The following CDH18 variants were observed in gnomAD, a reference collection of about 807,000 sequenced individuals.
The protein encoded by CDH18 is cadherin-18.
In CDH18, 31 loss-of-function variants were observed where a neutral mutation model predicts 67.9. The observed-to-expected ratio is 0.46, with a 90% CI of 0.34 to 0.62. The LOEUF (loss-of-function observed/expected upper bound fraction) is 0.62. Among genes scored for constraint, CDH18 ranks in the 20% least tolerant of loss-of-function variants. CDH18 has a pLI of 0.01. For synonymous variants in CDH18, 362 were observed against 347.2 expected (o/e 1.04, Z -0.48); for missense variants, 890 against 975.5 (o/e 0.91, Z 1.17).
intron 3 of CDH18, among the ~76,000 whole-genome samples, chr5:19,784,486 A>T (rs565414259): frequency 6.6e-5 from 10 of 152,302 alleles, no homozygotes; most frequent in African/African-American, 1.9e-4. Context: ...CAGGCATGCC[A>T]CTTTTTTAAA....
intron 1 of CDH18, among the ~76,000 whole-genome samples, chr5:20,547,716 G>A (rs1757419040): frequency 6.6e-6 from 1 of 152,076 alleles, no homozygotes; most frequent in African/African-American, 2.4e-5. Context: ...AACTTTCCAG[G>A]TAAAATATGA....
intron 6 of CDH18, among the ~76,000 whole-genome samples, chr5:19,606,400 T>TTTGA (rs1561454471): frequency 1.3e-5 from 2 of 152,036 alleles, no homozygotes; most frequent in African/African-American, 4.8e-5. Context: ...TTGAAATAAG[T>TTTGA]ATGGTTAATA....
intron 2 of CDH18, among the ~76,000 whole-genome samples, chr5:20,086,501 T>C (rs1744962102): frequency 6.6e-6 from 1 of 152,144 alleles, no homozygotes; most frequent in Non-Finnish European, 1.5e-5. Context: ...GTTTCATAGC[T>C]AGAGAAAAGT....
At chr5:20,181,064 C>T (rs991100224) in intron 2 of CDH18, among the ~76,000 whole-genome samples, 1 of 152,100 alleles carries the variant, frequency 6.6e-6, no homozygotes, top group Non-Finnish European at 1.5e-5. Flanking sequence ...TCTCCTGGTA[C>T]ATCTTAAATT....
At chr5:19,684,371 T>A (rs1760770415) in intron 5 of CDH18, among the ~76,000 whole-genome samples, 1 of 151,438 alleles carries the variant, frequency 6.6e-6, no homozygotes. Flanking sequence ...TATTAGGAAT[T>A]AACATACACA....
intron 2 of CDH18, among the ~76,000 whole-genome samples, chr5:20,118,841 G>C (rs1748126321): frequency 6.6e-6 from 1 of 152,092 alleles, no homozygotes; most frequent in South Asian, 2.1e-4. Flanking sequence ...GTTCCTTGAA[G>C]AGAATACACA....
chr5:19,978,853 C>T (rs1468275358), intron 2 of CDH18, among the ~76,000 whole-genome samples: 1 of 152,150 alleles, frequency 6.6e-6, no homozygotes, highest in Non-Finnish European at 1.5e-5. Flanking sequence ...CATTTCCCTA[C>T]TTTAGGCTCT....
chr5:20,027,193 T>C (rs1738988027), intron 2 of CDH18, among the ~76,000 whole-genome samples: 1 of 152,128 alleles, frequency 6.6e-6, no homozygotes, highest in Non-Finnish European at 1.5e-5. Context: ...TTAAACTTTT[T>C]ACATATGATT....
chr5:20,168,693 T>C (rs917029632), intron 2 of CDH18, among the ~76,000 whole-genome samples: 7 of 152,150 alleles, frequency 4.6e-5, no homozygotes, highest in Non-Finnish European at 2.9e-5. Context: ...AGTATTCCAG[T>C]ATATTTTTTA....
At chr5:20,471,619 G>A (rs1581063089) in intron 1 of CDH18, among the ~76,000 whole-genome samples, 1 of 151,842 alleles carries the variant, frequency 6.6e-6, no homozygotes, top group East Asian at 2.0e-4. Flanking sequence ...GGCCAATATG[G>A]TGAAACGCAG....
chr5:20,512,116 G>A lies in CDH18; in HGVS notation c.-580+63346C>T, dbSNP rs142879098. On this transcript the variant is annotated intron_variant, in intron 1 of 14. Transcript: ENST00000507958. ...CAGGCGCATGTAATCCCAGCTACTC[G>A]GGAGGCTGAGGCAGGAGAATCGCTT... 4.0e-3 allele frequency among the ~76,000 whole-genome samples: 601 copies of A among 152,060 alleles called. 4 individuals carry two copies. The highest frequency in any genetic ancestry group is 0.014 in the African/African-American group (582 of 41,464).
chr5:20,373,416 G>A (rs767465793), intron 1 of CDH18, among the ~76,000 whole-genome samples: 2 of 151,902 alleles, frequency 1.3e-5, no homozygotes, highest in Admixed American at 6.6e-5. Context: ...ACCCATCACT[G>A]TACCAAGATT....
At position 20,400,878 on chromosome 5, in the gene CDH18, C is replaced by T. The variant is rs76744360; in HGVS notation, c.-579-145373G>A. On this transcript the variant is annotated intron_variant, in intron 1 of 14. Coordinates refer to the CDH18 transcript ENST00000507958. ...ACCAACCAAATCCCTTATACTGAAA[C>T]TTATAATTTTATCCCTTGCACTGAA... Among the ~76,000 whole-genome samples the T allele has an allele frequency of 5.9e-5, 9 of 152,292 alleles. No homozygotes were observed. The East Asian group carries it at 1.4e-3, about 23-fold the overall frequency.
At chr5:20,067,053 C>T (rs1743039871) in intron 2 of CDH18, among the ~76,000 whole-genome samples, 1 of 151,658 alleles carries the variant, frequency 6.6e-6, no homozygotes, top group Non-Finnish European at 1.5e-5. Flanking sequence ...AAAAAAATCA[C>T]TATAATAAAT....
intron 1 of CDH18, among the ~76,000 whole-genome samples, chr5:20,556,125 T>A (rs1226553162): frequency 2.0e-5 from 3 of 152,220 alleles, no homozygotes; most frequent in Admixed American, 1.3e-4. Context: ...TACATATCAC[T>A]AATAGAATAT....
At chr5:20,028,896 G>A (rs1310351041) in intron 2 of CDH18, among the ~76,000 whole-genome samples, 1 of 152,106 alleles carries the variant, frequency 6.6e-6, no homozygotes, top group Non-Finnish European at 1.5e-5. Context: ...CTGTATCTGC[G>A]ACTGAATCTT....
intron 10 of CDH18, among the ~76,000 whole-genome samples, chr5:19,519,184 AT>A (rs1410761621): frequency 6.6e-6 from 1 of 152,146 alleles, no homozygotes; most frequent in Non-Finnish European, 1.5e-5. Flanking sequence ...TTTTAAATGT[AT>A]TATGTCTAGA....
At chr5:20,546,087 C>T (rs2126605364) in intron 1 of CDH18, among the ~76,000 whole-genome samples, 1 of 152,260 alleles carries the variant, frequency 6.6e-6, no homozygotes. Flanking sequence ...GGGCAAAATG[C>T]TGCCAGTCTC....
intron 11 of CDH18, among the ~76,000 whole-genome samples, chr5:19,491,532 G>A (rs1180719512): frequency 6.6e-6 from 1 of 152,228 alleles, no homozygotes; most frequent in South Asian, 2.1e-4. Context: ...TTTCCAATGT[G>A]TATCAAACTA....
Sources: allele counts gnomAD v4.1 joint callset (sites outside exome capture counted in the v4.1 genomes callset), GRCh38; gene constraint gnomAD v4.1.1; transcripts MANE v1.5; gene names NCBI Gene and HGNC (gene_info 2026-07-23, HGNC 2026-07-21).